ZNF26: variants seen among roughly 807,000 people sequenced by gnomAD.
ZNF26 encodes the protein zinc finger protein 26.
A neutral mutation model predicts 54.9 loss-of-function variants in ZNF26; 32 were observed. The ratio of observed to expected loss-of-function variants is 0.58; its 90% CI spans 0.44 to 0.78. ZNF26 has a LOEUF of 0.78. Ranked by LOEUF, ZNF26 falls within the 30% of genes least tolerant of loss-of-function variation. ZNF26 has a pLI of 0.00. For synonymous variants in ZNF26, 221 were observed against 209.2 expected (o/e 1.06, Z -0.49); for missense variants, 524 against 634.0 (o/e 0.83, Z 1.86).
intron 1 of ZNF26, among the ~76,000 whole-genome samples, chr12:132,999,089 A>C (rs1374580835): frequency 1.3e-5 from 2 of 152,192 alleles, no homozygotes; most frequent in Non-Finnish European, 1.5e-5. Flanking sequence ...GCTCTTTGTC[A>C]GTCAGGTGAG....
intron 1 of ZNF26, among the ~76,000 whole-genome samples, chr12:132,991,865 TGGCCG>T (rs1952969009): frequency 6.6e-6 from 1 of 151,960 alleles, no homozygotes; most frequent in Admixed American, 6.6e-5. Context: ...TATATATCTG[TGGCCG>T]GGCCTGGCGG....
In ZNF26 at chr12:133,011,208, A is replaced by C. The variant is rs1163229893; in HGVS notation, c.1329A>C (p.Ile443=). The change falls in exon 4 of 4, where the codon ATA becomes ATC. Residue 443 remains isoleucine, a synonymous_variant. Transcript: ENST00000328654. The part of the protein sequence containing the change: ...RAFCGKSQLI[I]HQRTHSTEKP... ...TTTGTGGAAAATCACAGCTGATTAT[A>C]CATCAGAGAACTCATTCAACTGAGA... 1.2e-6 allele frequency: 2 copies of C among 1,614,080 alleles called. No individual in the cohort carries two copies. Among genetic ancestry groups the C allele is most frequent in the Non-Finnish European group, 1.7e-6 (2 of 1,180,042 alleles).
In ZNF26 at chr12:133,007,103, A is replaced by T; in HGVS notation, c.95A>T (p.Asp32Val). 1 of 1,614,026 alleles carries T rather than the reference A, an allele frequency of 6.2e-7. No homozygotes were observed. Among genetic ancestry groups the T allele is most frequent in the Non-Finnish European group, 8.5e-7 (1 of 1,179,910 alleles). ...EFTWDEWQLL[D>V]STQKYLYRDV... ...ACCTGGGATGAATGGCAGCTACTGG[A>T]TTCTACACAGAAGTACCTGTACAGA... Residue 32 changes from aspartate to valine, a missense_variant, in exon 2 of 4, where the codon GAT becomes GTT. Transcript: ENST00000328654.
rs1953519450 is a variant in ZNF26, at chr12:133,013,235, C to T, written c.*1754C>T. The T allele has an allele frequency of 6.6e-6, 1 of 152,232 alleles. No homozygotes were observed. Among genetic ancestry groups the T allele is most frequent in the Admixed American group, 6.5e-5 (1 of 15,278 alleles). The allele number at this position is 152,232 out of a possible 1,614,324, so 9.4% of individuals were successfully genotyped here. A position where few individuals can be genotyped will look rare whatever the true frequency, so the allele number is the denominator to read the frequency against. On this transcript the variant is annotated 3_prime_UTR_variant, in exon 4 of 4. Transcript: ENST00000328654. ...AATGACAGGCCTGAAGCCCTGAAAT[C>T]TCACCTCAGGGTGGAGTGTCAGACT...
chr12:132,989,904 T>C (rs1361483410), intron 1 of ZNF26, among the ~76,000 whole-genome samples: 2 of 152,220 alleles, frequency 1.3e-5, no homozygotes, highest in African/African-American at 4.8e-5. Context: ...TTTTTCTTGG[T>C]AGATATTCTC....
At chr12:132,996,445 T>C (rs1159143423) in intron 1 of ZNF26, among the ~76,000 whole-genome samples, 2 of 152,236 alleles carry the variant, frequency 1.3e-5, no homozygotes, top group African/African-American at 4.8e-5. Context: ...TCTCTGGTGT[T>C]TTAAAAAAGA....
intron 1 of ZNF26, among the ~76,000 whole-genome samples, chr12:132,992,879 T>C (rs1049572830): frequency 7.5e-5 from 11 of 145,926 alleles, no homozygotes; most frequent in African/African-American, 2.0e-4. Context: ...TTTTTTTTTT[T>C]CCCCAGTGTT....
intron 3 of ZNF26, among the ~76,000 whole-genome samples, chr12:133,008,377 C>T (rs1163930351): frequency 6.6e-6 from 1 of 152,204 alleles, no homozygotes; most frequent in African/African-American, 2.4e-5. Flanking sequence ...CTTCTCTGCT[C>T]CCACATCTAG....
intron 1 of ZNF26, among the ~76,000 whole-genome samples, chr12:132,996,397 G>C (rs1451378488): frequency 4.6e-5 from 7 of 152,146 alleles, no homozygotes; most frequent in African/African-American, 1.7e-4. Context: ...CTTTTCTCTC[G>C]CAATTTTAGT....
intron 1 of ZNF26, chr12:133,006,123 C>T: frequency 2.0e-6 from 2 of 985,336 alleles, no homozygotes; most frequent in South Asian, 4.7e-5. Context: ...TGTTCCCTCC[C>T]AGCCCCCACT....
At chr12:132,989,493 C>G (rs1952901080) in intron 1 of ZNF26, among the ~76,000 whole-genome samples, 1 of 152,172 alleles carries the variant, frequency 6.6e-6, no homozygotes, top group African/African-American at 2.4e-5. Context: ...AGATCTTGGA[C>G]TATTTACATA....
intron 1 of ZNF26, chr12:132,987,747 T>G: frequency 1.0e-6 from 1 of 985,184 alleles, no homozygotes; most frequent in East Asian, 1.1e-4. Context: ...TGTGACCAAC[T>G]GGAACCCTCA....
At chr12:133,006,374 T>C (rs948527757) in intron 1 of ZNF26, 31 of 820,916 alleles carry the variant, frequency 3.8e-5, no homozygotes, top group Non-Finnish European at 4.6e-5. Context: ...ATGAATCTTC[T>C]AAGACTACTT....
chr12:132,986,829 G>A lies in ZNF26; in HGVS notation c.-12G>A. 6.2e-7 allele frequency: 1 copy of A among 1,603,792 alleles called. No homozygotes were observed. The highest frequency in any genetic ancestry group is 8.5e-7 in the Non-Finnish European group (1 of 1,175,228). ...CTGCCCCCGCAGGCAGCGCGCGAAC[G>A]TGGGCGTGGGGATGGCCACCAGTTT... is the stretch of plus-strand genomic sequence containing the variant. On this transcript the variant is annotated 5_prime_UTR_variant, in exon 1 of 4. It adds an upstream start codon to the 5' untranslated region. Transcript: ENST00000328654.
chr12:132,998,805 C>G, intron 1 of ZNF26, among the ~76,000 whole-genome samples: 1 of 147,452 alleles, frequency 6.8e-6, no homozygotes, highest in South Asian at 2.1e-4. Context: ...ACCAGTCTCT[C>G]AATTGTGTCC....
At chr12:132,988,994 G>A (rs1952888320) in intron 1 of ZNF26, among the ~76,000 whole-genome samples, 1 of 143,840 alleles carries the variant, frequency 7.0e-6, no homozygotes, top group African/African-American at 2.6e-5. Context: ...TGCAACCTTG[G>A]TATAATCATG....
chr12:133,023,106 G>T lies in ZNF26; in HGVS notation c.*11625G>T, dbSNP rs1686799464. The T allele has an allele frequency of 6.6e-6, 1 of 152,128 alleles. No individual in the cohort carries two copies. The highest frequency in any genetic ancestry group is 2.4e-5 in the African/African-American group (1 of 41,416). 9.4% of individuals were successfully genotyped at this position (152,128 alleles called of 1,614,324 possible). On this transcript the variant is annotated 3_prime_UTR_variant, in exon 4 of 4. Transcript: ENST00000328654. ...TTGTAACTAGTATTTGATGAACAGG[G>T]GCTATACAACAGTTTAGATTTTAAA...
chr12:133,001,590 A>G lies in ZNF26; in HGVS notation c.34-5452A>G. ...CTCACTGCATGCAGACTCACCCAGA[A>G]GTCCACTCACTGCCTCTTCCCCTGG... On this transcript the variant is annotated intron_variant, in intron 1 of 3. Transcript: ENST00000328654. This position sits in a 1 kb window ranked among gnomAD's most constrained non-coding sequence, Gnocchi z 4.7. The G allele has an allele frequency of 8.7e-7, 1 of 1,149,672 alleles. No individual in the cohort carries two copies. The highest frequency in any genetic ancestry group is 1.6e-5 in the African/African-American group (1 of 63,088). 71.2% of individuals were successfully genotyped at this position (1,149,672 alleles called of 1,614,324 possible). A position where few individuals can be genotyped will look rare whatever the true frequency, so the allele number is the denominator to read the frequency against.
Position 133,011,123 on chromosome 12 carries a change from T to G in ZNF26, c.1244T>G (p.Ile415Arg), listed in dbSNP as rs1953463063. ...TTCAGCAGCAAGTCATACCTTGTTA[T>G]ACATAGGAGAACACACACCGGAGAG... is the stretch of plus-strand genomic sequence containing the variant. ...KAFSSKSYLV[I>R]HRRTHTGERP... Residue 415 changes from isoleucine to arginine, a missense_variant, in exon 4 of 4, where the codon ATA becomes AGA. By Grantham distance (97) the Ile-to-Arg change is moderately conservative. Transcript: ENST00000328654. 3 of 1,614,054 alleles carry G rather than the reference T, an allele frequency of 1.9e-6. No individual in the cohort carries two copies. Among genetic ancestry groups the G allele is most frequent in the Non-Finnish European group, 2.5e-6 (3 of 1,180,040 alleles).
Sources: gnomAD v4.1 joint callset for allele counts (sites outside exome capture counted in the v4.1 genomes callset) on GRCh38, gnomAD v4.1.1 for gene constraint, Gnocchi (gnomAD v3.1) non-coding constraint, MANE v1.5 for transcripts, NCBI Gene and HGNC (gene_info 2026-07-23, HGNC 2026-07-21) for gene names.